The following UNC5D variants were observed in gnomAD, a reference collection of about 807,000 sequenced individuals.
The protein encoded by UNC5D is netrin receptor UNC5D.
UNC5D carries 39 observed loss-of-function variants against 105.4 expected under a neutral mutation model. The ratio of observed to expected loss-of-function variants is 0.37; its 90% CI spans 0.29 to 0.48. The LOEUF (loss-of-function observed/expected upper bound fraction) is 0.48. Ranked by LOEUF, UNC5D falls within the 20% of genes least tolerant of loss-of-function variation. UNC5D has a pLI of 0.98. For synonymous variants in UNC5D, 452 were observed against 450.4 expected (o/e 1.00, Z -0.04); for missense variants, 991 against 1,202.4 (o/e 0.82, Z 2.60).
chr8:35,706,383 C>T (rs1296021621), intron 8 of UNC5D, among the ~76,000 whole-genome samples: 1 of 152,118 alleles, frequency 6.6e-6, no homozygotes, highest in Admixed American at 6.6e-5. Flanking sequence ...AGATTAGGAT[C>T]CAGAACTCCA....
At chr8:35,440,732 G>A (rs747052706) in intron 1 of UNC5D, among the ~76,000 whole-genome samples, 1 of 151,928 alleles carries the variant, frequency 6.6e-6, no homozygotes, top group African/African-American at 2.4e-5. Flanking sequence ...GTGAGTGGCT[G>A]TTGCCAATTT....
chr8:35,247,625 T>C (rs1260924613), intron 1 of UNC5D, among the ~76,000 whole-genome samples: 9 of 80,058 alleles, frequency 1.1e-4, no homozygotes, highest in Admixed American at 6.7e-4. Context: ...ATATATAAAA[T>C]ATATATAATA....
chr8:35,333,928 G>A (rs1287987115), intron 1 of UNC5D, among the ~76,000 whole-genome samples: 1 of 152,138 alleles, frequency 6.6e-6, no homozygotes, highest in East Asian at 1.9e-4. Context: ...TAGAAACTTT[G>A]GGAGAGCTTC....
At chr8:35,307,406 C>T (rs1409312785) in intron 1 of UNC5D, among the ~76,000 whole-genome samples, 1 of 151,976 alleles carries the variant, frequency 6.6e-6, no homozygotes, top group East Asian at 1.9e-4. Context: ...GTTGAGGGGC[C>T]TAGGTGAGGA....
At chr8:35,677,994 A>G (rs1412102960) in intron 4 of UNC5D, among the ~76,000 whole-genome samples, 1 of 151,894 alleles carries the variant, frequency 6.6e-6, no homozygotes, top group Non-Finnish European at 1.5e-5. Context: ...GTGTGTGTAT[A>G]GATAGATACA....
intron 1 of UNC5D, among the ~76,000 whole-genome samples, chr8:35,426,280 C>T (rs1055929995): frequency 6.6e-6 from 1 of 152,000 alleles, no homozygotes; most frequent in Admixed American, 6.6e-5. Context: ...CCTTACTGTC[C>T]TTTGAATGGA....
chr8:35,377,005 G>A (rs905845519), intron 1 of UNC5D, among the ~76,000 whole-genome samples: 5 of 152,120 alleles, frequency 3.3e-5, no homozygotes, highest in African/African-American at 1.2e-4. Flanking sequence ...TTGATTGACT[G>A]CTTATTTCTC....
At chr8:35,486,349 G>A (rs554746801) in intron 1 of UNC5D, among the ~76,000 whole-genome samples, 5 of 152,270 alleles carry the variant, frequency 3.3e-5, no homozygotes, top group African/African-American at 1.2e-4. Flanking sequence ...GGTGCCCAGA[G>A]TGATGGCATT....
chr8:35,757,461 A>G (rs963634919), intron 13 of UNC5D, among the ~76,000 whole-genome samples: 2 of 151,912 alleles, frequency 1.3e-5, no homozygotes, highest in African/African-American at 4.8e-5. Context: ...ATTTATTTCA[A>G]CGTTTGGCTC....
intron 1 of UNC5D, among the ~76,000 whole-genome samples, chr8:35,293,942 T>C (rs1167472927): frequency 6.6e-6 from 1 of 152,158 alleles, no homozygotes; most frequent in Non-Finnish European, 1.5e-5. Flanking sequence ...TACCTTTGTG[T>C]TGAATACATG....
At chr8:35,304,372 C>T (rs2128873039) in intron 1 of UNC5D, among the ~76,000 whole-genome samples, 1 of 152,008 alleles carries the variant, frequency 6.6e-6, no homozygotes. Flanking sequence ...TTGACTTTGA[C>T]CATTCTTTAG....
intron 1 of UNC5D, among the ~76,000 whole-genome samples, chr8:35,390,505 T>C (rs1236470394): frequency 6.6e-6 from 1 of 152,020 alleles, no homozygotes; most frequent in African/African-American, 2.4e-5. Flanking sequence ...AAAAATATTA[T>C]GGAGAAAACT....
At chr8:35,504,618 T>C (rs1014064752) in intron 1 of UNC5D, among the ~76,000 whole-genome samples, 5 of 152,216 alleles carry the variant, frequency 3.3e-5, no homozygotes, top group African/African-American at 1.2e-4. Context: ...TCAAAGCCTC[T>C]AGTTTGTTGG....
chr8:35,334,273 T>C (rs371555015), intron 1 of UNC5D, among the ~76,000 whole-genome samples: 39 of 152,228 alleles, frequency 2.6e-4, no homozygotes, highest in African/African-American at 8.7e-4. Context: ...TGATCAAAAC[T>C]AAAATTGTCC....
At chr8:35,422,463 C>A (rs1280463685) in intron 1 of UNC5D, among the ~76,000 whole-genome samples, 1 of 152,198 alleles carries the variant, frequency 6.6e-6, no homozygotes, top group Admixed American at 6.5e-5. Flanking sequence ...ACTTAGCTGT[C>A]ATACCTAGTA....
At chr8:35,563,405 G>C (rs1192747638) in intron 2 of UNC5D, among the ~76,000 whole-genome samples, 1 of 151,688 alleles carries the variant, frequency 6.6e-6, no homozygotes, top group East Asian at 1.9e-4. Context: ...TTGCTTTCTT[G>C]ATTTCTTTTT....
intron 1 of UNC5D, among the ~76,000 whole-genome samples, chr8:35,546,608 A>G (rs1021964782): frequency 2.6e-5 from 4 of 152,186 alleles, no homozygotes; most frequent in African/African-American, 9.7e-5. Context: ...TAAAGCCCCT[A>G]ATAGGAGTGT....
rs545572398 is a variant in UNC5D at position 35,512,028 on chromosome 8, T to C, written c.104-37264T>C. On this transcript the variant is annotated intron_variant, in intron 1 of 16. Transcript: ENST00000404895. Reference sequence around the variant, plus strand: ...TAGTAGGATTCAAAAATTGAAATGATGTTGAGATATTTAAATTGTATTCCA... The same window carrying C: ...TAGTAGGATTCAAAAATTGAAATGACGTTGAGATATTTAAATTGTATTCCA... Among the ~76,000 whole-genome samples, 7 of 152,244 alleles carry C rather than the reference T, an allele frequency of 4.6e-5. No individual in the cohort carries two copies. In the East Asian group the frequency reaches 1.4e-3, roughly 30 times the overall value.
intron 1 of UNC5D, among the ~76,000 whole-genome samples, chr8:35,467,109 C>T (rs1360146671): frequency 3.3e-5 from 5 of 152,124 alleles, no homozygotes; most frequent in East Asian, 1.9e-4. Context: ...TACCTTGTGA[C>T]GCTTTCTCAG....
Sources: allele counts gnomAD v4.1 joint callset (sites outside exome capture counted in the v4.1 genomes callset), GRCh38; gene constraint gnomAD v4.1.1; transcripts MANE v1.5; gene names NCBI Gene and HGNC (gene_info 2026-07-23, HGNC 2026-07-21).